CACNA2D3: variants seen among roughly 807,000 people sequenced by gnomAD.
CACNA2D3 encodes the protein voltage-dependent calcium channel subunit alpha-2/delta-3.
CACNA2D3 carries 60 observed loss-of-function variants against 160.6 expected under a neutral mutation model. The observed-to-expected ratio is 0.37, with a 90% CI of 0.30 to 0.46. The LOEUF (loss-of-function observed/expected upper bound fraction) is 0.46, where lower values mean the gene tolerates loss of function less well. CACNA2D3 is among the 20% of genes least tolerant of loss of function. The probability of loss-of-function intolerance (pLI) is 1.00; values close to 1 mark genes in which losing one functional copy is unlikely to be tolerated. For synonymous variants in CACNA2D3, 558 were observed against 492.9 expected, an observed-to-expected ratio of 1.13 and a Z score of -1.75; for missense variants, 1,205 against 1,365.0, an observed-to-expected ratio of 0.88 and a Z score of 1.85.
chr3:54,784,640 G>A (rs912608965), intron 13 of CACNA2D3, among the ~76,000 whole-genome samples: 2 of 152,190 alleles, frequency 1.3e-5, no homozygotes, highest in African/African-American at 2.4e-5. Context: ...TGTGAAAGGT[G>A]TAGGGAGTCC....
At chr3:54,486,153 A>T (rs78158401) in intron 4 of CACNA2D3, among the ~76,000 whole-genome samples, 1 of 152,200 alleles carries the variant, frequency 6.6e-6, no homozygotes, top group South Asian at 2.1e-4. Flanking sequence ...ACTAGTGCAA[A>T]CACCTGGAGA....
intron 4 of CACNA2D3, among the ~76,000 whole-genome samples, chr3:54,448,897 A>G (rs1319087872): frequency 6.6e-6 from 1 of 152,242 alleles, no homozygotes; most frequent in African/African-American, 2.4e-5. Context: ...AGATAGGTTC[A>G]TCTTCTGTTA....
chr3:54,984,511 T>C, intron 29 of CACNA2D3, 97 bp from the exon 30 acceptor site: 1 of 721,940 alleles, frequency 1.4e-6, no homozygotes, highest in Non-Finnish European at 2.3e-6. Flanking sequence ...AAAATAAGTT[T>C]GTCTAAGGTT....
At chr3:54,241,369 G>A (rs529766641) in intron 2 of CACNA2D3, among the ~76,000 whole-genome samples, 3 of 152,112 alleles carry the variant, frequency 2.0e-5, no homozygotes, top group African/African-American at 2.4e-5. Context: ...TTAGTATCAC[G>A]AGTACCTCTA....
At chr3:54,386,595 C>T in intron 3 of CACNA2D3, 120 bp from the exon 4 acceptor site, 1 of 802,166 alleles carries the variant, frequency 1.2e-6, no homozygotes, top group Non-Finnish European at 1.9e-6. Flanking sequence ...GGAGCAAAGG[C>T]ATCAGATCAC....
intron 12 of CACNA2D3, among the ~76,000 whole-genome samples, chr3:54,757,312 C>T (rs1046261019): frequency 6.6e-6 from 1 of 152,138 alleles, no homozygotes; most frequent in African/African-American, 2.4e-5. Context: ...TAGCTTACCC[C>T]TTTTCCATGG....
At chr3:54,904,022 T>G (rs1700399902) in intron 27 of CACNA2D3, among the ~76,000 whole-genome samples, 1 of 152,136 alleles carries the variant, frequency 6.6e-6, no homozygotes, top group Non-Finnish European at 1.5e-5. Flanking sequence ...ATACAGAAAA[T>G]AAATTTATTT....
intron 11 of CACNA2D3, among the ~76,000 whole-genome samples, chr3:54,685,884 T>C (rs1198465207): frequency 6.6e-6 from 1 of 152,240 alleles, no homozygotes; most frequent in African/African-American, 2.4e-5. Context: ...CATTAACTTA[T>C]ATACACATGT....
chr3:54,213,022 A>G (rs1220033181), intron 2 of CACNA2D3, among the ~76,000 whole-genome samples: 1 of 152,106 alleles, frequency 6.6e-6, no homozygotes, highest in Non-Finnish European at 1.5e-5. Context: ...ATCTGTGCAC[A>G]TCAGGTGGGC....
At chr3:54,804,713 T>A (rs1311943754) in intron 13 of CACNA2D3, among the ~76,000 whole-genome samples, 1 of 152,188 alleles carries the variant, frequency 6.6e-6, no homozygotes, top group Admixed American at 6.5e-5. Context: ...AATAGATATC[T>A]ACAGAACTCT....
At chr3:54,153,891 C>G (rs1700194487) in intron 2 of CACNA2D3, among the ~76,000 whole-genome samples, 1 of 152,156 alleles carries the variant, frequency 6.6e-6, no homozygotes, top group Non-Finnish European at 1.5e-5. Flanking sequence ...CTTTGGTGCA[C>G]TTTTGATAAA....
chr3:54,942,985 C>T (rs926768338), intron 27 of CACNA2D3, among the ~76,000 whole-genome samples: 1 of 152,028 alleles, frequency 6.6e-6, no homozygotes, highest in Non-Finnish European at 1.5e-5. Flanking sequence ...GACTGTGCCA[C>T]TGCACTCCAG....
chr3:54,206,488 A>G (rs1325779073), intron 2 of CACNA2D3, among the ~76,000 whole-genome samples: 2 of 152,178 alleles, frequency 1.3e-5, no homozygotes, highest in African/African-American at 4.8e-5. Flanking sequence ...CCAAATTATA[A>G]TGGTTCTCTC....
chr3:54,912,025 G>A (rs184814762), intron 27 of CACNA2D3, among the ~76,000 whole-genome samples: 1 of 152,262 alleles, frequency 6.6e-6, no homozygotes, highest in East Asian at 1.9e-4. Context: ...GAGGGTTGCG[G>A]ACTCATCTGA....
At chr3:55,002,186 G>C (rs1008240632) in intron 31 of CACNA2D3, among the ~76,000 whole-genome samples, 1 of 150,904 alleles carries the variant, frequency 6.6e-6, no homozygotes, top group Non-Finnish European at 1.5e-5. Context: ...AATGTACCCT[G>C]TATATACGAC....
chr3:54,380,267 C>T (rs923234827), intron 3 of CACNA2D3, among the ~76,000 whole-genome samples: 3 of 152,056 alleles, frequency 2.0e-5, no homozygotes, highest in Admixed American at 6.6e-5. Flanking sequence ...CATTTTAATC[C>T]GTGATGGATT....
At chr3:54,566,859 G>A (rs1268657165) in intron 6 of CACNA2D3, among the ~76,000 whole-genome samples, 1 of 152,228 alleles carries the variant, frequency 6.6e-6, no homozygotes, top group South Asian at 2.1e-4. Context: ...GAACAGCTAA[G>A]TAAAGAGTTC....
chr3:54,951,286 C>T (rs1054380401), intron 27 of CACNA2D3, among the ~76,000 whole-genome samples: 1 of 152,190 alleles, frequency 6.6e-6, no homozygotes. Flanking sequence ...TGCCAGATAC[C>T]TCTGTAATAG....
chr3:54,632,793 T>A (rs1278500068), intron 10 of CACNA2D3: 2 of 152,182 alleles, frequency 1.3e-5, no homozygotes, highest in Non-Finnish European at 2.9e-5. Flanking sequence ...AATTGATGGG[T>A]CTTTCAAGAA....
Sources: allele counts gnomAD v4.1 joint callset (sites outside exome capture counted in the v4.1 genomes callset), GRCh38; gene constraint gnomAD v4.1.1; transcripts MANE v1.5; gene names NCBI Gene and HGNC (gene_info 2026-07-23, HGNC 2026-07-21).